DNAH17: variants seen among roughly 807,000 people sequenced by gnomAD.
The protein encoded by DNAH17 is axonemal beta dynein heavy chain 17.
In DNAH17, 376 loss-of-function variants were observed where a neutral mutation model predicts 485.6. The observed-to-expected ratio is 0.77, with a 90% CI of 0.71 to 0.84. The LOEUF is 0.84. DNAH17 is among the 40% of genes least tolerant of loss of function. The probability of loss-of-function intolerance (pLI) is 0.00; values close to 1 mark genes in which losing one functional copy is unlikely to be tolerated. For missense variants in DNAH17, 6,370 were observed against 5,839.3 expected, an observed-to-expected ratio of 1.09 and a Z score of -2.96; for synonymous variants, 3,031 against 2,405.9, an observed-to-expected ratio of 1.26 and a Z score of -7.60.
intron 25 of DNAH17, among the ~76,000 whole-genome samples, chr17:78,521,144 G>T (rs1048159829): frequency 6.6e-6 from 1 of 152,210 alleles, no homozygotes; most frequent in African/African-American, 2.4e-5. Flanking sequence ...TGTGGCTCAC[G>T]CCTGTAATCC....
chr17:78,476,495 G>A, intron 52 of DNAH17, 77 bp downstream of exon 52: 3 of 1,497,940 alleles, frequency 2.0e-6, no homozygotes, highest in Non-Finnish European at 1.8e-6. Flanking sequence ...GAGGGCTGCA[G>A]TTCTCATTGG....
Position 78,571,727 on chromosome 17 carries a change from CGAT to C in DNAH17, c.592_594del (p.Ile198del). On this transcript the variant is annotated inframe_deletion, in exon 4 of 81. Transcript: ENST00000389840. ...ACATCCCGGATCTGGTGGGACCAGT[CGAT>C]GATGGTGGTTTCAATGGCGTGCAGG... 6.2e-7 allele frequency: 1 copy of C among 1,612,464 alleles called. No homozygotes were observed. The highest frequency in any genetic ancestry group is 2.2e-5 in the East Asian group (1 of 44,866).
intron 37 of DNAH17, chr17:78,498,716 T>TAACA (rs1294005662): frequency 4.2e-6 from 1 of 237,124 alleles, no homozygotes; most frequent in African/African-American, 2.3e-5. Flanking sequence ...CTGATACCAA[T>TAACA]AACAAAGCAC....
At position 78,484,841 on chromosome 17, in the gene DNAH17, T is replaced by C. The variant is rs1264542909; in HGVS notation, c.7649+27A>G. ...GCCCTCACCGCCCCGGGGCCACGCC[T>C]TCCCCTCCGGCCCCGCCCCGTCTAA... On this transcript the variant is annotated intron_variant, in intron 48 of 80. Transcript: ENST00000389840. 7 of 1,378,534 alleles carry C rather than the reference T, an allele frequency of 5.1e-6. No individual in the cohort carries two copies. In the African/African-American group the frequency reaches 9.1e-5, roughly 18 times the overall value. 85.4% of individuals were successfully genotyped at this position (1,378,534 alleles called of 1,614,324 possible).
intron 18 of DNAH17, 92 bp downstream of exon 18, chr17:78,539,645 T>G: frequency 9.0e-7 from 1 of 1,114,902 alleles, no homozygotes. Context: ...ATTTATAAAA[T>G]GATAGCCTGT....
At chr17:78,501,445 G>C in intron 34 of DNAH17, 101 bp from the exon 35 acceptor site, 1 of 1,413,176 alleles carries the variant, frequency 7.1e-7, no homozygotes, top group South Asian at 1.4e-5. Flanking sequence ...CTGCTGCCCA[G>C]GGAACCCTCC....
chr17:78,553,281 G>GTTTTTTTTTT (rs2091944110), intron 14 of DNAH17, among the ~76,000 whole-genome samples: 2 of 42,092 alleles, frequency 4.8e-5, no homozygotes, highest in African/African-American at 1.2e-4. Context: ...CCAGGTTTTT[G>GTTTTTTTTTT]TGTTTTTTTT....
Position 78,444,726 on chromosome 17 carries a change from C to T in DNAH17, c.11406G>A (p.Lys3802=), listed in dbSNP as rs2087208855. ...TCTCGGGGGCTTCCGACTCCACCAG[C>T]TTTTTCCAGCGCTTGGCAGATCCTT... ...DIEGSAKRWK[K]LVESEAPEKE... Residue 3802 remains lysine, a synonymous_variant, in exon 71 of 81, where the codon AAG becomes AAA. Coordinates refer to ENST00000389840, the MANE Select transcript of DNAH17 (RefSeq NM_173628.4). 6.2e-7 allele frequency: 1 copy of T among 1,605,728 alleles called. No individual in the cohort carries two copies. Among genetic ancestry groups the T allele is most frequent in the Non-Finnish European group, 8.5e-7 (1 of 1,177,480 alleles).
chr17:78,458,937 T>C (rs758886147), intron 61 of DNAH17, 64 bp downstream of exon 61: 3 of 1,546,324 alleles, frequency 1.9e-6, no homozygotes, highest in Non-Finnish European at 2.7e-6. Context: ...AACAGAGGTA[T>C]TGACTGGCAG....
rs536412090 is a variant in DNAH17, at chr17:78,450,553, C to T, written c.10899+129G>A. On this transcript the variant is annotated intron_variant, in intron 67 of 80. Transcript: ENST00000389840. Reference sequence around the variant, plus strand: ...TGGGAGCCCAGACCCCTTCTCCTGCCCTGGGCCCACTCGGGCACGTATGAC... The same window carrying T: ...TGGGAGCCCAGACCCCTTCTCCTGCTCTGGGCCCACTCGGGCACGTATGAC... The T allele has an allele frequency of 1.4e-4, 195 of 1,418,978 alleles. 1 individual carries two copies. The highest frequency in any genetic ancestry group is 1.7e-4 in the Non-Finnish European group (180 of 1,053,572). 87.9% of individuals were successfully genotyped at this position (1,418,978 alleles called of 1,614,324 possible).
intron 65 of DNAH17, among the ~76,000 whole-genome samples, chr17:78,452,475 C>T (rs566377484): frequency 6.6e-4 from 100 of 152,272 alleles, no homozygotes; most frequent in Non-Finnish European, 1.2e-3. Flanking sequence ...CGGTGGCTCC[C>T]GCCTGTAATC....
chr17:78,528,911 G>C (rs997412347), intron 22 of DNAH17, among the ~76,000 whole-genome samples: 2 of 150,894 alleles, frequency 1.3e-5, no homozygotes, highest in Non-Finnish European at 2.9e-5. Context: ...ACTCCCACCA[G>C]ACACTCAGGA....
At position 78,551,584 on chromosome 17, in the gene DNAH17, C is replaced by G. The variant is rs375904946; in HGVS notation, c.2342G>C (p.Arg781Thr). 1.9e-6 allele frequency: 3 copies of G among 1,614,040 alleles called. No individual in the cohort carries two copies. The highest frequency in any genetic ancestry group is 2.5e-6 in the Non-Finnish European group (3 of 1,179,892). The change falls in exon 16 of 81, where the codon AGG becomes ACG. Residue 781 changes from arginine (R) to threonine (T), a missense_variant. By Grantham distance (71) the Arg-to-Thr change is moderately conservative. Coordinates refer to ENST00000389840, the MANE Select transcript of DNAH17 (RefSeq NM_173628.4). ...VREILHNLQNRMQKAKQNIEG... is the reference protein window; with the variant it reads ...VREILHNLQNTMQKAKQNIEG... Reference sequence around the variant, plus strand: ...TATATTTTGTTTTGCCTTTTGCATCCTGTTCTGCAAGTTGTGCAGAATTTC... The same window carrying G: ...TATATTTTGTTTTGCCTTTTGCATCGTGTTCTGCAAGTTGTGCAGAATTTC...
At chr17:78,444,109 G>A (rs1005522223) in intron 71 of DNAH17, among the ~76,000 whole-genome samples, 5 of 152,044 alleles carry the variant, frequency 3.3e-5, no homozygotes, top group African/African-American at 4.8e-5. Flanking sequence ...TTGACTTTAC[G>A]TTTTGCCACA....
At chr17:78,468,091 AG>A (rs995131747) in intron 55 of DNAH17, among the ~76,000 whole-genome samples, 1 of 149,184 alleles carries the variant, frequency 6.7e-6, no homozygotes, top group Non-Finnish European at 1.5e-5. Context: ...GTGTGTGGGG[AG>A]GGGGTCCACA....
In DNAH17 at chr17:78,429,135, T is replaced by G; in HGVS notation, c.12391A>C (p.Asn4131His). The G allele has an allele frequency of 1.2e-6, 2 of 1,612,634 alleles. No individual in the cohort carries two copies. The highest frequency in any genetic ancestry group is 1.7e-6 in the Non-Finnish European group (2 of 1,179,486). Residue 4131 changes from asparagine to histidine, a missense_variant, in exon 76 of 81, where the codon AAC becomes CAC. Coordinates refer to ENST00000389840, the MANE Select transcript of DNAH17 (RefSeq NM_173628.4). The stretch of plus-strand genomic sequence containing the variant: ...GTCATCCTTACCTTGTAGTCCAGGT[T>G]GGGGGGGATCTGAAAGCCGGGGGCC... The part of the protein sequence containing the change: ...LLAPGFQIPP[N>H]LDYKGYHEYI...
In DNAH17 at chr17:78,461,647, C is replaced by G. The variant is rs758033519; in HGVS notation, c.9236G>C (p.Ser3079Thr). 4 of 1,612,088 alleles carry G rather than the reference C, an allele frequency of 2.5e-6. No homozygotes were observed. The African/African-American group carries it at 5.3e-5, about 22-fold the overall frequency. The stretch of plus-strand genomic sequence containing the variant: ...GACCACCTGGATCAGTTGGTCTGCG[C>G]TCTCATTCTTCTGCTTGAGCTCAGC... Reference protein sequence around the residue: ...QEAELKQKNESADQLIQVVGI... With the variant: ...QEAELKQKNETADQLIQVVGI... The change falls in exon 58 of 81, where the codon AGC becomes ACC. Residue 3079 changes from serine (S) to threonine (T), a missense_variant. By Grantham distance (58) the Ser-to-Thr change is moderately conservative. Transcript: ENST00000389840.
intron 16 of DNAH17, among the ~76,000 whole-genome samples, chr17:78,548,298 G>C (rs1336913285): frequency 7.3e-6 from 1 of 137,334 alleles, no homozygotes; most frequent in Admixed American, 8.2e-5. Flanking sequence ...TCCGCCTCCT[G>C]GGTTCACAAC....
At chr17:78,433,428 C>T (rs541907649) in intron 75 of DNAH17, among the ~76,000 whole-genome samples, 4 of 152,346 alleles carry the variant, frequency 2.6e-5, no homozygotes, top group East Asian at 1.9e-4. Context: ...CTCTGTGCCC[C>T]GACCTGTGCC....
Sources: gnomAD v4.1 joint callset for allele counts (sites outside exome capture counted in the v4.1 genomes callset) on GRCh38, gnomAD v4.1.1 for gene constraint, MANE v1.5 for transcripts, NCBI Gene and HGNC (gene_info 2026-07-23, HGNC 2026-07-21) for gene names.